KCNG2: variants seen among roughly 807,000 people sequenced by gnomAD.
The protein encoded by KCNG2 is potassium voltage-gated channel modifier subfamily G member 2, also known as voltage-gated potassium channel regulatory subunit KCNG2.
In KCNG2, 7 loss-of-function variants were observed where a neutral mutation model predicts 12.3. The observed-to-expected ratio is 0.57, with a 90% CI of 0.32 to 1.07. KCNG2 has a LOEUF of 1.07. KCNG2 is among the 50% of genes least tolerant of loss of function. KCNG2 has a pLI of 0.04. For missense variants in KCNG2, 703 were observed against 726.0 expected, an observed-to-expected ratio of 0.97 and a Z score of 0.36; for synonymous variants, 414 against 351.4, an observed-to-expected ratio of 1.18 and a Z score of -1.99.
In KCNG2 at chr18:79,899,785, C is replaced by G. The variant is rs376255323; in HGVS notation, c.1370C>G (p.Ala457Gly). The G allele has an allele frequency of 6.9e-7, 1 of 1,458,946 alleles. No individual in the cohort carries two copies. Among genetic ancestry groups the G allele is most frequent in the Non-Finnish European group, 9.0e-7 (1 of 1,114,480 alleles). The allele number at this position is 1,458,946 out of a possible 1,614,324, so 90.4% of individuals were successfully genotyped here. A position where few individuals can be genotyped will look rare whatever the true frequency, so the allele number is the denominator to read the frequency against. ...AGCGCGGGCCTGGCCGACGACTCCG[C>G]GGATGCGCTGTGGGTGCGGGCAGGG... ...PDSAGLADDS[A>G]DALWVRAGR is the part of the protein sequence containing the mutation. The change falls in exon 4 of 4, where the codon GCG becomes GGG. Residue 457 changes from alanine (A) to glycine (G), a missense_variant. By Grantham distance (60) the Ala-to-Gly change is moderately conservative. Transcript: ENST00000316249.
chr18:79,842,664 TAGAA>T (rs1412554588), intron 1 of KCNG2, among the ~76,000 whole-genome samples: 2 of 151,902 alleles, frequency 1.3e-5, no homozygotes, highest in East Asian at 1.9e-4. Flanking sequence ...AACAAAGAGA[TAGAA>T]AGCATAAAAA....
At chr18:79,879,754 T>A (rs973329965) in intron 3 of KCNG2, among the ~76,000 whole-genome samples, 1 of 152,040 alleles carries the variant, frequency 6.6e-6, no homozygotes, top group African/African-American at 2.4e-5. Flanking sequence ...TCCCAACCAG[T>A]GCACGAATCC....
intron 1 of KCNG2, among the ~76,000 whole-genome samples, chr18:79,853,882 C>A (rs989528348): frequency 4.6e-5 from 7 of 152,224 alleles, no homozygotes; most frequent in African/African-American, 1.4e-4. Flanking sequence ...GGTGCCTCGA[C>A]CCTGTGGGCC....
rs554459417 is a variant in KCNG2 at position 79,798,010 on chromosome 18, C to A, written c.-119C>A. ...AGCCCGGAGCTCGCGGAGTCTGGAC[C>A]GCAGGTAAAGTTGAGCGCGCCGTGG... On this transcript the variant is annotated 5_prime_UTR_variant, in exon 1 of 4. Transcript: ENST00000316249. Among the ~76,000 whole-genome samples, 7 of 148,874 alleles carry A rather than the reference C, an allele frequency of 4.7e-5. No individual in the cohort carries two copies. Among genetic ancestry groups the A allele is most frequent in the African/African-American group, 1.5e-4 (6 of 40,116 alleles).
intron 3 of KCNG2, among the ~76,000 whole-genome samples, chr18:79,872,962 G>A (rs1227253167): frequency 6.6e-6 from 1 of 152,184 alleles, no homozygotes. Flanking sequence ...CCCTCCGGGA[G>A]CCGGCGTGTG....
chr18:79,860,738 T>G (rs1362961893), intron 2 of KCNG2, among the ~76,000 whole-genome samples: 2 of 152,170 alleles, frequency 1.3e-5, no homozygotes, highest in Non-Finnish European at 2.9e-5. Context: ...GTACATAAGA[T>G]CATAAGATCA....
chr18:79,870,983 C>T (rs544841252), intron 3 of KCNG2, among the ~76,000 whole-genome samples: 1 of 152,176 alleles, frequency 6.6e-6, no homozygotes, highest in Non-Finnish European at 1.5e-5. Flanking sequence ...CCCCACGCTG[C>T]AGTCAGCACA....
intron 2 of KCNG2, among the ~76,000 whole-genome samples, chr18:79,862,389 T>C (rs1032918272): frequency 2.0e-5 from 3 of 152,222 alleles, no homozygotes; most frequent in Admixed American, 6.5e-5. Context: ...GTGGGACATA[T>C]AGATTCTTAA....
intron 1 of KCNG2, among the ~76,000 whole-genome samples, chr18:79,846,234 G>T: frequency 6.6e-6 from 1 of 151,676 alleles, no homozygotes; most frequent in Non-Finnish European, 1.5e-5. Context: ...TTGGCCAGGC[G>T]TGGTGGCGGG....
At chr18:79,862,258 G>A (rs747408936) in intron 2 of KCNG2, among the ~76,000 whole-genome samples, 13 of 152,146 alleles carry the variant, frequency 8.5e-5, no homozygotes, top group Non-Finnish European at 1.6e-4. Flanking sequence ...CCTCTCCCCA[G>A]GAGTTTTTGT....
chr18:79,817,021 G>A (rs1435980931), intron 1 of KCNG2, among the ~76,000 whole-genome samples: 2 of 147,476 alleles, frequency 1.4e-5, no homozygotes, highest in African/African-American at 5.0e-5. Flanking sequence ...GCTGCCACAC[G>A]GTTGTCACGC....
chr18:79,889,907 T>A (rs1980687300), intron 3 of KCNG2, among the ~76,000 whole-genome samples: 2 of 152,244 alleles, frequency 1.3e-5, no homozygotes. Flanking sequence ...TTCCTGCTTG[T>A]TGAGTGTTTC....
intron 3 of KCNG2, among the ~76,000 whole-genome samples, chr18:79,876,940 C>T (rs1170820390): frequency 6.6e-6 from 1 of 152,192 alleles, no homozygotes; most frequent in Non-Finnish European, 1.5e-5. Flanking sequence ...GGAAGCTGTG[C>T]CGATTTTCTC....
rs1158328614 is a variant in KCNG2, at chr18:79,800,154, G to A, written c.-115+2140G>A. Among the ~76,000 whole-genome samples the A allele has an allele frequency of 6.6e-6, 1 of 152,162 alleles. No homozygotes were observed. The highest frequency in any genetic ancestry group is 2.4e-5 in the African/African-American group (1 of 41,432). ...TGCAGCCCTGGCAGGCGTGGGGGCG[G>A]GAGTGAAGGGAGCAGATGGGGCTGT... On this transcript the variant is annotated intron_variant, in intron 1 of 3. Coordinates refer to ENST00000316249, the MANE Select transcript of KCNG2 (RefSeq NM_012283.2). This position sits in a 1 kb window ranked among gnomAD's most constrained non-coding sequence, Gnocchi z 4.0.
intron 3 of KCNG2, among the ~76,000 whole-genome samples, chr18:79,881,367 G>A (rs943374533): frequency 2.0e-5 from 3 of 151,928 alleles, no homozygotes; most frequent in Non-Finnish European, 2.9e-5. Context: ...GTAGAAACAC[G>A]CCGTATGATT....
rs1380309863 is a variant in KCNG2, at chr18:79,865,755, G to T, written c.624+1464G>T. On this transcript the variant is annotated intron_variant, in intron 3 of 3. Transcript: ENST00000316249. ...TCTGAGGTCTGGGTGCTGAGGTCTG[G>T]GTGCTGAGAGGTCTGTGTGCTGAGA... 2.9e-3 allele frequency among the ~76,000 whole-genome samples: 289 copies of T among 99,450 alleles called. 2 individuals are homozygous for T. The highest frequency in any genetic ancestry group is 4.2e-3 in the Non-Finnish European group (186 of 44,788). The allele number at this position is 99,450 out of a possible 152,430, so 65.2% of individuals were successfully genotyped here. A position where few individuals can be genotyped will look rare whatever the true frequency, so the allele number is the denominator to read the frequency against.
chr18:79,812,480 G>A (rs1485876243), intron 1 of KCNG2, among the ~76,000 whole-genome samples: 1 of 152,128 alleles, frequency 6.6e-6, no homozygotes, highest in African/African-American at 2.4e-5. Flanking sequence ...GAAGAGAAGG[G>A]AACCCTTCCT....
intron 3 of KCNG2, among the ~76,000 whole-genome samples, chr18:79,883,060 G>A (rs905686645): frequency 6.6e-6 from 1 of 152,264 alleles, no homozygotes; most frequent in Admixed American, 6.5e-5. Context: ...GACACGGACC[G>A]CGACGGCCGG....
At chr18:79,852,667 A>C (rs981494944) in intron 1 of KCNG2, among the ~76,000 whole-genome samples, 1 of 152,262 alleles carries the variant, frequency 6.6e-6, no homozygotes, top group African/African-American at 2.4e-5. Context: ...CAGCGCCTGC[A>C]CCTGGGCGTG....
Sources: allele counts gnomAD v4.1 joint callset (sites outside exome capture counted in the v4.1 genomes callset), GRCh38; gene constraint gnomAD v4.1.1; non-coding constraint Gnocchi (gnomAD v3.1); transcripts MANE v1.5; gene names NCBI Gene and HGNC (gene_info 2026-07-23, HGNC 2026-07-21).